Variants in IL37 observed in about 807,000 individuals in gnomAD.
The protein encoded by IL37 is interleukin 37, also known as interleukin-37.
Under a neutral mutation model 15.4 loss-of-function variants are expected in IL37, and 15 were observed. That is an observed-to-expected ratio of 0.98 (90% CI 0.65 to 1.50). IL37 has a LOEUF of 1.50. IL37 is among the 40% of genes most tolerant of loss of function. The pLI, the probability that IL37 is intolerant of heterozygous loss-of-function variation, is 0.00. For synonymous variants in IL37, 98 were observed against 97.4 expected, an observed-to-expected ratio of 1.01 and a Z score of -0.03; for missense variants, 269 against 261.7, an observed-to-expected ratio of 1.03 and a Z score of -0.19.
At chr2:112,915,423 G>A (rs1286594406) in intron 3 of IL37, among the ~76,000 whole-genome samples, 1 of 152,176 alleles carries the variant, frequency 6.6e-6, no homozygotes, top group Non-Finnish European at 1.5e-5. Flanking sequence ...CCAGGGGTGA[G>A]AGTCACAGCC....
intron 3 of IL37, among the ~76,000 whole-genome samples, chr2:112,916,152 A>C (rs1683306153): frequency 6.6e-6 from 1 of 152,206 alleles, no homozygotes; most frequent in Non-Finnish European, 1.5e-5. Flanking sequence ...TATTCTCTAC[A>C]TTAGAATTGC....
intron 2 of IL37, among the ~76,000 whole-genome samples, chr2:112,913,347 G>A (rs568352582): frequency 1.3e-5 from 2 of 152,364 alleles, no homozygotes; most frequent in African/African-American, 4.8e-5. Context: ...TTAGCATCCT[G>A]TTTGCCAACT....
Position 112,918,716 on chromosome 2 carries a change from G to T in IL37, c.564G>T (p.Gly188=). 2 of 1,614,074 alleles carry T rather than the reference G, an allele frequency of 1.2e-6. No individual in the cohort carries two copies. Among genetic ancestry groups the T allele is most frequent in the Non-Finnish European group, 1.7e-6 (2 of 1,180,016 alleles). ...CCTGCAATTGTAATGAGCCTGTTGG[G>T]GTGACAGATAAATTTGAGAACAGGA... The part of the protein sequence containing the change: ...CTSCNCNEPV[G]VTDKFENRKH... The change falls in exon 6 of 6, where the codon GGG becomes GGT. Residue 188 remains glycine (G), a synonymous_variant. Transcript: ENST00000263326.
At chr2:112,916,721 C>A (rs971142722) in intron 3 of IL37, among the ~76,000 whole-genome samples, 1 of 152,168 alleles carries the variant, frequency 6.6e-6, no homozygotes, top group African/African-American at 2.4e-5. Flanking sequence ...TATAAAAAGT[C>A]CTTTTTATAC....
At chr2:112,913,532 G>A (rs1234265396) in intron 2 of IL37, among the ~76,000 whole-genome samples, 1 of 152,204 alleles carries the variant, frequency 6.6e-6, no homozygotes, top group Non-Finnish European at 1.5e-5. Context: ...GGGACAATAG[G>A]AGGAGGCTTT....
At chr2:112,918,335 C>CTT (rs56059940) in intron 5 of IL37, among the ~76,000 whole-genome samples, 1 of 151,214 alleles carries the variant, frequency 6.6e-6, no homozygotes, top group Non-Finnish European at 1.5e-5. Context: ...CTCTCTCTCT[C>CTT]AGTTTATTTT....
At chr2:112,915,182 G>A (rs550709087) in intron 3 of IL37, 17 of 1,613,258 alleles carry the variant, frequency 1.1e-5, no homozygotes, top group Admixed American at 1.0e-4. Flanking sequence ...CATGTGAGAC[G>A]CTGAGATCCT....
intron 3 of IL37, among the ~76,000 whole-genome samples, chr2:112,915,641 TCAGACTGC>T (rs1308051885): frequency 6.6e-6 from 1 of 152,192 alleles, no homozygotes; most frequent in African/African-American, 2.4e-5. Context: ...CTCCATGAAC[TCAGACTGC>T]CTGGGATGGG....
At chr2:112,918,177 C>A (rs933928953) in intron 5 of IL37, among the ~76,000 whole-genome samples, 6 of 119,590 alleles carry the variant, frequency 5.0e-5, no homozygotes, top group Admixed American at 9.4e-5. Context: ...GTCTGCCCTG[C>A]AAATTTAGTC....
chr2:112,915,294 T>G (rs1358191905), intron 3 of IL37: 1 of 1,579,304 alleles, frequency 6.3e-7, no homozygotes. Context: ...GAAAAGTAGC[T>G]TCTTAAAAAG....
At chr2:112,916,112 T>C (rs1683305091) in intron 3 of IL37, among the ~76,000 whole-genome samples, 1 of 152,232 alleles carries the variant, frequency 6.6e-6, no homozygotes, top group South Asian at 2.1e-4. Flanking sequence ...CATGTGCTTA[T>C]GGCATGGGAA....
rs118041452 is a variant in IL37 at position 112,915,402 on chromosome 2, C to A, written c.145+1548C>A. The A allele has an allele frequency of 1.4e-3, 942 of 676,106 alleles. 9 individuals carry two copies. The East Asian group carries it at 0.025, about 18-fold the overall frequency. The allele number at this position is 676,106 out of a possible 1,614,324, so 41.9% of individuals were successfully genotyped here. A position where few individuals can be genotyped will look rare whatever the true frequency, so the allele number is the denominator to read the frequency against. ...TTAAAATGCCACCCACCAGGTGATT[C>A]CCAGTGTGCACCAGGGGTGAGAGTC... On this transcript the variant is annotated intron_variant, in intron 3 of 5. Coordinates refer to ENST00000263326, the MANE Select transcript of IL37 (RefSeq NM_014439.4).
rs1176802375 is a variant in IL37 at position 112,917,185 on chromosome 2, A to T, written c.202A>T (p.Lys68Ter). 8.1e-6 allele frequency: 13 copies of T among 1,613,764 alleles called. No individual in the cohort carries two copies. The highest frequency in any genetic ancestry group is 1.1e-5 in the Non-Finnish European group (13 of 1,179,604). ...ATTCAGCATTCATGACCAGGATCAC[A>T]AAGTACTGGTCCTGGACTCTGGGAA... ...KKFSIHDQDHKVLVLDSGNLI... is the reference protein window; with the variant it reads ...KKFSIHDQDH The change falls in exon 4 of 6, where the codon AAA becomes TAA. Residue 68 changes from lysine to a stop codon, truncating the protein, a stop_gained. Coordinates refer to ENST00000263326, the MANE Select transcript of IL37 (RefSeq NM_014439.4). LOFTEE classifies it high-confidence loss of function.
intron 3 of IL37, among the ~76,000 whole-genome samples, chr2:112,914,074 A>C (rs1683244915): frequency 6.6e-6 from 1 of 152,090 alleles, no homozygotes; most frequent in Non-Finnish European, 1.5e-5. Flanking sequence ...TCACCTGCTA[A>C]GAGGCACAGG....
Position 112,918,703 on chromosome 2 carries a change from A to G in IL37, c.551A>G (p.Asn184Ser). The change falls in exon 6 of 6, where the codon AAT becomes AGT. Residue 184 changes from asparagine to serine, a missense_variant. Physicochemically the swap from Asn to Ser is conservative, Grantham distance 46 (BLOSUM62 1). Transcript: ENST00000263326. The part of the protein sequence containing the change: ...GWFICTSCNC[N>S]EPVGVTDKFE... ...TTCATCTGCACCTCCTGCAATTGTA[A>G]TGAGCCTGTTGGGGTGACAGATAAA... 6.2e-7 allele frequency: 1 copy of G among 1,614,154 alleles called. No individual in the cohort carries two copies. Among genetic ancestry groups the G allele is most frequent in the African/African-American group, 1.3e-5 (1 of 75,030 alleles).
chr2:112,914,338 G>A (rs1156292293), intron 3 of IL37, among the ~76,000 whole-genome samples: 3 of 152,204 alleles, frequency 2.0e-5, no homozygotes, highest in East Asian at 1.9e-4. Context: ...TGTGGAAACC[G>A]AGACAGACAG....
At chr2:112,914,191 G>A (rs1364295743) in intron 3 of IL37, among the ~76,000 whole-genome samples, 1 of 152,132 alleles carries the variant, frequency 6.6e-6, no homozygotes, top group Non-Finnish European at 1.5e-5. Flanking sequence ...ACAGCCATGG[G>A]GCCAGTGGGG....
intron 4 of IL37, 137 bp downstream of exon 4, chr2:112,917,385 C>G (rs1683340159): frequency 9.6e-7 from 1 of 1,036,824 alleles, no homozygotes; most frequent in African/African-American, 1.6e-5. Context: ...GCCCCAGGGA[C>G]TAGGGCATCA....
At chr2:112,915,088 A>T in intron 3 of IL37, 1 of 998,898 alleles carries the variant, frequency 1.0e-6, no homozygotes, top group Non-Finnish European at 1.5e-6. Flanking sequence ...AAGACCACTC[A>T]CACCTTCAGA....
Sources: allele counts gnomAD v4.1 joint callset (sites outside exome capture counted in the v4.1 genomes callset), GRCh38; gene constraint gnomAD v4.1.1; transcripts MANE v1.5; gene names NCBI Gene and HGNC (gene_info 2026-07-23, HGNC 2026-07-21).